The following CGNL1 variants were observed in gnomAD, a reference collection of about 807,000 sequenced individuals.
CGNL1 encodes cingulin like 1, also known as cingulin-like protein 1.
CGNL1 carries 132 observed loss-of-function variants against 141.2 expected under a neutral mutation model. That is an observed-to-expected ratio of 0.93 (90% CI 0.81 to 1.08). The LOEUF (loss-of-function observed/expected upper bound fraction) is 1.08. Ranked by LOEUF, CGNL1 falls within the 50% of genes least tolerant of loss-of-function variation. CGNL1 has a pLI of 0.00. For missense variants in CGNL1, 1,870 were observed against 1,588.6 expected (o/e 1.18, Z -3.01); for synonymous variants, 690 against 622.1 (o/e 1.11, Z -1.63).
chr15:57,499,098 G>A (rs1567154999), intron 8 of CGNL1, among the ~76,000 whole-genome samples: 1 of 152,116 alleles, frequency 6.6e-6, no homozygotes, highest in Non-Finnish European at 1.5e-5. Flanking sequence ...AAGAGGGGAT[G>A]TGGGTAGACC....
rs781408171 is a variant in CGNL1, at chr15:57,516,946, G to A, written c.2570G>A (p.Gly857Asp). The change falls in exon 9 of 19, where the codon GGC becomes GAC. Residue 857 changes from glycine (G) to aspartate (D), a missense_variant. Transcript: ENST00000281282. ...QLQRQIEDLK[G>D]DEAKAKETLK... ...CAAAGGCAGATCGAGGACCTGAAAG[G>A]CGATGAAGCCAAGGCGAAGGAAACG... 6 of 1,613,582 alleles carry A rather than the reference G, an allele frequency of 3.7e-6. No individual in the cohort carries two copies. In the Admixed American group the frequency reaches 1.0e-4, roughly 27 times the overall value.
chr15:57,541,504 C>T (rs1010683293), intron 14 of CGNL1, among the ~76,000 whole-genome samples: 9 of 152,182 alleles, frequency 5.9e-5, no homozygotes, highest in East Asian at 3.9e-4. Flanking sequence ...GTGTGTGATT[C>T]GTGAGGGCCC....
chr15:57,415,333 GA>G (rs2062836993), intron 1 of CGNL1, among the ~76,000 whole-genome samples: 2 of 152,184 alleles, frequency 1.3e-5, no homozygotes, highest in Non-Finnish European at 2.9e-5. Context: ...ATAATCACAA[GA>G]GTCCTTATAT....
intron 1 of CGNL1, among the ~76,000 whole-genome samples, chr15:57,419,934 C>A (rs1004712745): frequency 6.6e-6 from 1 of 152,184 alleles, no homozygotes; most frequent in Non-Finnish European, 1.5e-5. Context: ...GTTGTCTGCT[C>A]TTCCCCATTT....
chr15:57,457,986 G>A (rs796242688), intron 7 of CGNL1, among the ~76,000 whole-genome samples: 8 of 152,242 alleles, frequency 5.3e-5, no homozygotes, highest in African/African-American at 1.9e-4. Flanking sequence ...GGACCCATCT[G>A]GGTCCCATTC....
rs559752135 is a variant in CGNL1, at chr15:57,550,144, A to AT, written c.*2656dup. The AT allele has an allele frequency of 5.2e-4, 79 of 152,336 alleles. No individual in the cohort carries two copies. Among genetic ancestry groups the AT allele is most frequent in the African/African-American group, 1.9e-3 (78 of 41,566 alleles). 9.4% of individuals were successfully genotyped at this position (152,336 alleles called of 1,614,324 possible). A position where few individuals can be genotyped will look rare whatever the true frequency, so the allele number is the denominator to read the frequency against. On this transcript the variant is annotated 3_prime_UTR_variant, in exon 19 of 19. Coordinates refer to ENST00000281282, the MANE Select transcript of CGNL1 (RefSeq NM_032866.5). ...AAATAGGCTGTTATGCGTTTTGACA[A>AT]TTGCGCTATCCTACACTCTGAGGGA...
At position 57,476,204 on chromosome 15, in the gene CGNL1, G is replaced by A. The variant is rs538608385; in HGVS notation, c.2403+14312G>A. On this transcript the variant is annotated intron_variant, in intron 8 of 18. Transcript: ENST00000281282. The stretch of plus-strand genomic sequence containing the variant: ...GTTCGGAAAAGGGTGACTTTGCTCC[G>A]TGTAGGCAGGCCAGGGCGGGTTCCT... 6.4e-4 allele frequency among the ~76,000 whole-genome samples: 98 copies of A among 152,250 alleles called. 1 individual carries two copies. Among genetic ancestry groups the A allele is most frequent in the Non-Finnish European group, 1.2e-3 (81 of 68,034 alleles).
At chr15:57,395,920 T>G (rs2062597213) in intron 1 of CGNL1, among the ~76,000 whole-genome samples, 1 of 152,240 alleles carries the variant, frequency 6.6e-6, no homozygotes, top group Admixed American at 6.5e-5. Context: ...AGCTTTCTTG[T>G]GCCTCCTCCT....
At chr15:57,475,951 A>G (rs182205651) in intron 8 of CGNL1, among the ~76,000 whole-genome samples, 67 of 152,062 alleles carry the variant, frequency 4.4e-4, no homozygotes, top group African/African-American at 1.6e-3. Context: ...TCTCTTTGAA[A>G]TCCCCAGGGT....
rs111956623 is a variant in CGNL1, at chr15:57,503,060, C to T, written c.2404-13720C>T. ...GACGCACCATGTGGGATGCTTTTAG[C>T]GTGTGACTAGGGATTTTGTGGCACA... On this transcript the variant is annotated intron_variant, in intron 8 of 18. Coordinates refer to ENST00000281282, the MANE Select transcript of CGNL1 (RefSeq NM_032866.5). 1.3e-3 allele frequency among the ~76,000 whole-genome samples: 196 copies of T among 152,316 alleles called. 3 individuals are homozygous for T. Among genetic ancestry groups the T allele is most frequent in the African/African-American group, 4.6e-3 (191 of 41,576 alleles).
intron 10 of CGNL1, among the ~76,000 whole-genome samples, chr15:57,519,298 A>C (rs1171762610): frequency 1.3e-5 from 2 of 152,158 alleles, no homozygotes; most frequent in East Asian, 3.9e-4. Context: ...GAAGGTTGTT[A>C]AAGTTTTCCA....
chr15:57,526,239 C>T (rs772484292), intron 12 of CGNL1, among the ~76,000 whole-genome samples: 7 of 151,904 alleles, frequency 4.6e-5, no homozygotes, highest in Non-Finnish European at 1.0e-4. Context: ...GGATTTTTCT[C>T]ACTGATGCAG....
chr15:57,454,891 C>T (rs377080443), intron 7 of CGNL1, among the ~76,000 whole-genome samples: 3 of 151,142 alleles, frequency 2.0e-5, no homozygotes, highest in Admixed American at 6.6e-5. Flanking sequence ...CAACATAAAA[C>T]GAAAATTGAA....
At chr15:57,466,626 T>A (rs1473907432) in intron 8 of CGNL1, among the ~76,000 whole-genome samples, 4 of 152,170 alleles carry the variant, frequency 2.6e-5, no homozygotes, top group Non-Finnish European at 5.9e-5. Context: ...GTAACACCAT[T>A]GTGCTTGGTA....
At chr15:57,424,479 A>T (rs1419626905) in intron 1 of CGNL1, among the ~76,000 whole-genome samples, 1 of 152,320 alleles carries the variant, frequency 6.6e-6, no homozygotes, top group African/African-American at 2.4e-5. Flanking sequence ...GCTGTAGAAG[A>T]GTGACTAGCA....
At chr15:57,450,389 G>A (rs2063307977) in intron 4 of CGNL1, among the ~76,000 whole-genome samples, 2 of 152,174 alleles carry the variant, frequency 1.3e-5, no homozygotes. Context: ...CGATTCTTCT[G>A]CCTCAGCCTC....
At chr15:57,380,412 G>A (rs1212064059) in intron 1 of CGNL1, among the ~76,000 whole-genome samples, 2 of 152,098 alleles carry the variant, frequency 1.3e-5, no homozygotes, top group African/African-American at 4.8e-5. Flanking sequence ...CTGCCTTAAG[G>A]GGCCTGAGTC....
At chr15:57,467,796 T>C in intron 8 of CGNL1, among the ~76,000 whole-genome samples, 1 of 150,976 alleles carries the variant, frequency 6.6e-6, no homozygotes, top group Admixed American at 6.6e-5. Context: ...TTCAAATGAT[T>C]CTTGTGCCTC....
intron 8 of CGNL1, among the ~76,000 whole-genome samples, chr15:57,483,515 T>C: frequency 6.9e-6 from 1 of 145,320 alleles, no homozygotes; most frequent in East Asian, 1.9e-4. Context: ...TTCCTTGGGA[T>C]TTTTTATATA....
Sources: gnomAD v4.1 joint callset for allele counts (sites outside exome capture counted in the v4.1 genomes callset) on GRCh38, gnomAD v4.1.1 for gene constraint, MANE v1.5 for transcripts, NCBI Gene and HGNC (gene_info 2026-07-23, HGNC 2026-07-21) for gene names.